CSNK1D: variants seen among roughly 807,000 people sequenced by gnomAD.
CSNK1D encodes casein kinase I isoform delta.
Under a neutral mutation model 46.6 loss-of-function variants are expected in CSNK1D, and 16 were observed. The ratio of observed to expected loss-of-function variants is 0.34; its 90% confidence interval spans 0.23 to 0.52. CSNK1D has a LOEUF of 0.52. CSNK1D is among the 20% of genes least tolerant of loss of function. CSNK1D has a pLI of 0.95. For missense variants in CSNK1D, 398 were observed against 578.4 expected, an observed-to-expected ratio of 0.69 and a Z score of 3.20; for synonymous variants, 276 against 228.2, an observed-to-expected ratio of 1.21 and a Z score of -1.89.
chr17:82,266,256 T>A (rs186624506), intron 1 of CSNK1D, among the ~76,000 whole-genome samples: 1 of 152,162 alleles, frequency 6.6e-6, no homozygotes, highest in Admixed American at 6.5e-5. Context: ...TTTTACCCAA[T>A]AGCCACAGTC....
downstream of CSNK1D, chr17:82,239,974 C>T: frequency 8.1e-7 from 1 of 1,233,392 alleles, no homozygotes; most frequent in Non-Finnish European, 1.0e-6. Flanking sequence ...CCGCCGGGGC[C>T]CTCAGTAGGT....
Position 82,248,891 on chromosome 17 carries a change from C to A in CSNK1D, c.1181G>T (p.Arg394Leu). The A allele has an allele frequency of 3.7e-6, 6 of 1,610,520 alleles. No homozygotes were observed. Among genetic ancestry groups the A allele is most frequent in the Non-Finnish European group, 5.1e-6 (6 of 1,178,250 alleles). ...TGCACCTACCTGTGAGGTGGACATG[C>A]GAGAGGTATCTTGTCGGCCTGTGAG... ...SDLTGRQDTSRMSTSQIPGRV... is the reference protein window; with the variant it reads ...SDLTGRQDTSLMSTSQIPGRV... Residue 394 changes from arginine to leucine, a missense_variant, in exon 8 of 9, where the codon CGC becomes CTC. Around this residue, in one of 2 missense-constraint regions of CSNK1D, gnomAD observed 181 missense variants for 208.0 expected, o/e 0.87. Coordinates refer to ENST00000314028, the MANE Select transcript of CSNK1D (RefSeq NM_001893.6). The surrounding 1 kb of genome is among the most constrained non-coding windows in gnomAD (Gnocchi z 4.1).
chr17:82,247,413 C>T (rs1197194289), intron 8 of CSNK1D: 4 of 985,358 alleles, frequency 4.1e-6, no homozygotes, highest in Non-Finnish European at 3.6e-6. Flanking sequence ...CCACAAAGAT[C>T]CCAAACCACT....
At position 82,252,130 on chromosome 17, in the gene CSNK1D, C is replaced by T. The variant is rs969563460; in HGVS notation, c.736+304G>A. Among the ~76,000 whole-genome samples the T allele has an allele frequency of 1.3e-5, 2 of 152,252 alleles. No individual in the cohort carries two copies. The highest frequency in any genetic ancestry group is 4.8e-5 in the African/African-American group (2 of 41,464). On this transcript the variant is annotated intron_variant, in intron 5 of 8. Coordinates refer to ENST00000314028, the MANE Select transcript of CSNK1D (RefSeq NM_001893.6). This position sits in a 1 kb window ranked among gnomAD's most constrained non-coding sequence, Gnocchi z 4.6. ...AGGGCAGCCACTGCAGAGAGAGGCCCCACCACTGCCTGTCCATCCCTTTCC... is the reference window on the plus strand; with the variant it reads ...AGGGCAGCCACTGCAGAGAGAGGCCTCACCACTGCCTGTCCATCCCTTTCC...
In CSNK1D at chr17:82,255,381, T is replaced by C. The variant is rs773186560; in HGVS notation, c.336+48A>G. 3.7e-6 allele frequency: 6 copies of C among 1,607,386 alleles called. No homozygotes were observed. Among genetic ancestry groups the C allele is most frequent in the South Asian group, 3.3e-5 (3 of 90,968 alleles). Reference sequence around the variant, plus strand: ...AAGAACAGCACAAGCGAGTGGCTGATTCTATCAGACAGCAAGTGTGTGCCA... The same window carrying C: ...AAGAACAGCACAAGCGAGTGGCTGACTCTATCAGACAGCAAGTGTGTGCCA... On this transcript the variant is annotated intron_variant, in intron 3 of 8. Coordinates refer to ENST00000314028, the MANE Select transcript of CSNK1D (RefSeq NM_001893.6). This position sits in a 1 kb window ranked among gnomAD's most constrained non-coding sequence, Gnocchi z 5.9.
chr17:82,265,467 C>A (rs1264493715), intron 2 of CSNK1D: 3 of 553,628 alleles, frequency 5.4e-6, no homozygotes, highest in Non-Finnish European at 9.9e-6. Context: ...GCGTGAGCCA[C>A]CATGCCCGGC....
intron 1 of CSNK1D, among the ~76,000 whole-genome samples, chr17:82,271,823 A>G (rs1027747587): frequency 7.2e-5 from 11 of 152,208 alleles, no homozygotes; most frequent in Non-Finnish European, 1.0e-4. Flanking sequence ...AAAAGGTATG[A>G]CCAGAGGCAT....
chr17:82,258,336 G>GTA (rs34123796), intron 2 of CSNK1D, among the ~76,000 whole-genome samples: 263 of 148,696 alleles, frequency 1.8e-3, no homozygotes, highest in East Asian at 7.3e-3. Flanking sequence ...GAACATATGT[G>GTA]TATATATATA....
chr17:82,248,735 C>G lies in CSNK1D; in HGVS notation c.1197+140G>C. On this transcript the variant is annotated intron_variant, in intron 8 of 8. Coordinates refer to ENST00000314028, the MANE Select transcript of CSNK1D (RefSeq NM_001893.6). This position sits in a 1 kb window ranked among gnomAD's most constrained non-coding sequence, Gnocchi z 4.1. ...CGAGAAGCCTCATCTGCAACCAAGA[C>G]GCCACACCCTGGCGAGATTAAAAAC... 1 of 1,486,690 alleles carries G rather than the reference C, an allele frequency of 6.7e-7. No individual in the cohort carries two copies. Among genetic ancestry groups the G allele is most frequent in the Non-Finnish European group, 8.9e-7 (1 of 1,119,766 alleles). 92.1% of individuals were successfully genotyped at this position (1,486,690 alleles called of 1,614,324 possible).
Position 82,255,899 on chromosome 17 carries a change from G to A in CSNK1D, c.188-322C>T, listed in dbSNP as rs1200464042. Among the ~76,000 whole-genome samples the A allele has an allele frequency of 1.3e-5, 2 of 152,198 alleles. No homozygotes were observed. The highest frequency in any genetic ancestry group is 2.4e-5 in the African/African-American group (1 of 41,446). On this transcript the variant is annotated intron_variant, in intron 2 of 8. Transcript: ENST00000314028. This position sits in a 1 kb window ranked among gnomAD's most constrained non-coding sequence, Gnocchi z 5.9. ...GGCAGGAGACACAGAAAGCAGCCAC[G>A]ATGTGGGAAAGAAAAGAGCTCAGGC...
Position 82,248,479 on chromosome 17 carries a change from G to T in CSNK1D, c.1197+396C>A, listed in dbSNP as rs1262854677. On this transcript the variant is annotated intron_variant, in intron 8 of 8. Transcript: ENST00000314028. This position sits in a 1 kb window ranked among gnomAD's most constrained non-coding sequence, Gnocchi z 4.1. ...TACGGGCCTCCATCCCTGGCCAGTG[G>T]CAAGAATGAGGAAGAATGAGGAAGG... 13 of 1,084,918 alleles carry T rather than the reference G, an allele frequency of 1.2e-5. No individual in the cohort carries two copies. In the South Asian group the frequency reaches 3.3e-4, roughly 27 times the overall value. The allele number at this position is 1,084,918 out of a possible 1,614,324, so 67.2% of individuals were successfully genotyped here.
intron 2 of CSNK1D, among the ~76,000 whole-genome samples, chr17:82,262,118 T>C (rs2051356038): frequency 6.6e-6 from 1 of 152,254 alleles, no homozygotes; most frequent in Non-Finnish European, 1.5e-5. Flanking sequence ...TCCACCAACA[T>C]AGCTACTTTT....
rs924678449 is a variant in CSNK1D, at chr17:82,242,879, G to A, written c.*1902C>T. On this transcript the variant is annotated 3_prime_UTR_variant, in exon 9 of 9. Transcript: ENST00000314028. ...ACGCGACCCGGCGAGGCTCGGGCTGGAACCCGGGCGCAGAGCTGCCTCGCA... is the reference window on the plus strand; with the variant it reads ...ACGCGACCCGGCGAGGCTCGGGCTGAAACCCGGGCGCAGAGCTGCCTCGCA... 12 of 985,330 alleles carry A rather than the reference G, an allele frequency of 1.2e-5. No homozygotes were observed. In the African/African-American group the frequency reaches 2.1e-4, roughly 17 times the overall value. The allele number at this position is 985,330 out of a possible 1,614,324, so 61.0% of individuals were successfully genotyped here.
At position 82,273,280 on chromosome 17, in the gene CSNK1D, G is replaced by C. The variant is rs2051686313; in HGVS notation, c.76+26C>G. ...AGCCGCAGGGCCCGGGTCTTCGGGCGGCGGGCGGGGGCGGCGGGGCCTCAC... is the reference window on the plus strand; with the variant it reads ...AGCCGCAGGGCCCGGGTCTTCGGGCCGCGGGCGGGGGCGGCGGGGCCTCAC... On this transcript the variant is annotated intron_variant, in intron 1 of 8. Transcript: ENST00000314028. This position sits in a 1 kb window ranked among gnomAD's most constrained non-coding sequence, Gnocchi z 5.1. 6.3e-7 allele frequency: 1 copy of C among 1,594,294 alleles called. No homozygotes were observed. Among genetic ancestry groups the C allele is most frequent in the South Asian group, 1.1e-5 (1 of 89,784 alleles).
In CSNK1D at chr17:82,244,597, G is replaced by A; in HGVS notation, c.*184C>T. On this transcript the variant is annotated 3_prime_UTR_variant, in exon 9 of 9. Transcript: ENST00000314028. ...GGGGCCGCAGTGCAGCCCCAGCGGT[G>A]GCAGCTCTTGGAGTCTGTCCGTTTA... 3 of 1,517,226 alleles carry A rather than the reference G, an allele frequency of 2.0e-6. No individual in the cohort carries two copies. Among genetic ancestry groups the A allele is most frequent in the African/African-American group, 2.7e-5 (2 of 72,762 alleles). The allele number at this position is 1,517,226 out of a possible 1,614,324, so 94.0% of individuals were successfully genotyped here.
rs1055502204 is a variant in CSNK1D at position 82,242,815 on chromosome 17, A to C, written c.*1966T>G. ...ACGTCTCCTGCACGGGGCGACGGGG[A>C]CTAGATACTGGGCAAGGACTGTCAC... On this transcript the variant is annotated 3_prime_UTR_variant, in exon 9 of 9. Transcript: ENST00000314028. 1 of 985,282 alleles carries C rather than the reference A, an allele frequency of 1.0e-6. No homozygotes were observed. Among genetic ancestry groups the C allele is most frequent in the African/African-American group, 1.7e-5 (1 of 57,202 alleles). 61.0% of individuals were successfully genotyped at this position (985,282 alleles called of 1,614,324 possible). A position where few individuals can be genotyped will look rare whatever the true frequency, so the allele number is the denominator to read the frequency against.
rs1233411163 is a variant in CSNK1D, at chr17:82,248,065, C to T, written c.1197+810G>A. On this transcript the variant is annotated intron_variant, in intron 8 of 8. Transcript: ENST00000314028. This position sits in a 1 kb window ranked among gnomAD's most constrained non-coding sequence, Gnocchi z 4.1. ...CCCAGAGCCAGGCTCCAGGGCATTT[C>T]TGAACTGAGTTCCTGCTCATCCGGA... The T allele has an allele frequency of 8.1e-6, 8 of 985,398 alleles. No individual in the cohort carries two copies. In the African/African-American group the frequency reaches 1.2e-4, roughly 15 times the overall value. 61.0% of individuals were successfully genotyped at this position (985,398 alleles called of 1,614,324 possible).
intron 3 of CSNK1D, chr17:82,253,804 G>A (rs887942378): frequency 2.8e-5 from 8 of 286,754 alleles, no homozygotes; most frequent in South Asian, 1.7e-4. Flanking sequence ...GAGCTGAGCC[G>A]CCGGAGCCTC....
In CSNK1D at chr17:82,255,672, A is replaced by C; in HGVS notation, c.188-95T>G. The C allele has an allele frequency of 6.7e-7, 1 of 1,482,176 alleles. No individual in the cohort carries two copies. The highest frequency in any genetic ancestry group is 1.4e-5 in the African/African-American group (1 of 72,400). 91.8% of individuals were successfully genotyped at this position (1,482,176 alleles called of 1,614,324 possible). A position where few individuals can be genotyped will look rare whatever the true frequency, so the allele number is the denominator to read the frequency against. ...TGCACACCAAGGGGTCATGGTGACAATCCTGAACGGGGGAGGGGTGGTGGA... is the reference window on the plus strand; with the variant it reads ...TGCACACCAAGGGGTCATGGTGACACTCCTGAACGGGGGAGGGGTGGTGGA... On this transcript the variant is annotated intron_variant, in intron 2 of 8. Coordinates refer to ENST00000314028, the MANE Select transcript of CSNK1D (RefSeq NM_001893.6). This position sits in a 1 kb window ranked among gnomAD's most constrained non-coding sequence, Gnocchi z 5.9.
Sources: allele counts gnomAD v4.1 joint callset (sites outside exome capture counted in the v4.1 genomes callset), GRCh38; gene constraint gnomAD v4.1.1; regional missense constraint gnomAD v4.1.1; non-coding constraint Gnocchi (gnomAD v3.1); transcripts MANE v1.5; gene names NCBI Gene and HGNC (gene_info 2026-07-23, HGNC 2026-07-21).